The following TCF4 variants were observed in gnomAD, a reference collection of about 807,000 sequenced individuals.
TCF4 encodes the protein transcription factor 4, also known as SL3-3 enhancer factor 2.
TCF4 carries 3 observed loss-of-function variants against 82.1 expected under a neutral mutation model. The ratio of observed to expected loss-of-function variants is 0.04; its 90% CI spans 0.02 to 0.09. TCF4 has a LOEUF of 0.09. Ranked by LOEUF, TCF4 falls within the 10% of genes least tolerant of loss-of-function variation. TCF4 has a pLI of 1.00. For missense variants in TCF4, 518 were observed against 852.7 expected (o/e 0.61, Z 4.89); for synonymous variants, 276 against 309.6 (o/e 0.89, Z 1.14).
chr18:55,629,903 G>A (rs752406403), intron 2 of TCF4, among the ~76,000 whole-genome samples: 1 of 151,962 alleles, frequency 6.6e-6, no homozygotes, highest in Non-Finnish European at 1.5e-5. Flanking sequence ...TAAGGTCAAA[G>A]TGGAAAAAAA....
chr18:55,384,334 A>G (rs980685643), intron 6 of TCF4: 2 of 152,296 alleles, frequency 1.3e-5, no homozygotes. Flanking sequence ...TGCTTGGCTA[A>G]TCAGTGTGCC....
At position 55,336,434 on chromosome 18, in the gene TCF4, A is replaced by G. The variant is rs572243217; in HGVS notation, c.549+13925T>C. Among the ~76,000 whole-genome samples, 3 of 152,282 alleles carry G rather than the reference A, an allele frequency of 2.0e-5. No individual in the cohort carries two copies. In the East Asian group the frequency reaches 5.8e-4, roughly 29 times the overall value. ...ATTTTATGATCTTTAACTAGAAAAT[A>G]CAAAATGATCATATAATTATCTATT... On this transcript the variant is annotated intron_variant, in intron 8 of 19. Transcript: ENST00000354452.
intron 3 of TCF4, among the ~76,000 whole-genome samples, chr18:55,535,605 G>T (rs571998507): frequency 2.6e-5 from 4 of 152,162 alleles, no homozygotes; most frequent in South Asian, 4.2e-4. Context: ...AGAAAATGTG[G>T]CAATAAAATA....
chr18:55,300,262 G>A (rs1342542010), intron 8 of TCF4, among the ~76,000 whole-genome samples: 1 of 152,204 alleles, frequency 6.6e-6, no homozygotes, highest in African/African-American at 2.4e-5. Flanking sequence ...TTTCTTAACT[G>A]TGGTACACTT....
At chr18:55,249,941 C>A (rs906883854) in intron 15 of TCF4, among the ~76,000 whole-genome samples, 3 of 152,102 alleles carry the variant, frequency 2.0e-5, no homozygotes, top group Non-Finnish European at 4.4e-5. Context: ...GAATGAGTAA[C>A]AGAGAGAATT....
At chr18:55,567,522 G>A (rs369930094) in intron 3 of TCF4, among the ~76,000 whole-genome samples, 1 of 152,200 alleles carries the variant, frequency 6.6e-6, no homozygotes, top group East Asian at 1.9e-4. Context: ...AGACCAGCCT[G>A]GCCAACATGG....
chr18:55,350,625 T>C (rs899742416), intron 7 of TCF4, among the ~76,000 whole-genome samples: 5 of 152,132 alleles, frequency 3.3e-5, no homozygotes, highest in African/African-American at 1.2e-4. Flanking sequence ...GATCTTTTAA[T>C]AGCTTCCTTA....
At chr18:55,299,097 A>C (rs972204100) in intron 8 of TCF4, among the ~76,000 whole-genome samples, 1 of 152,208 alleles carries the variant, frequency 6.6e-6, no homozygotes, top group African/African-American at 2.4e-5. Flanking sequence ...CTTCAAAACT[A>C]AAAATTCATC....
chr18:55,279,986 A>G (rs2062228677), intron 8 of TCF4, among the ~76,000 whole-genome samples: 1 of 152,196 alleles, frequency 6.6e-6, no homozygotes, highest in South Asian at 2.1e-4. Flanking sequence ...TTCTAAACAC[A>G]GATGGCCCAT....
intron 6 of TCF4, among the ~76,000 whole-genome samples, chr18:55,381,009 T>A (rs1275833755): frequency 1.3e-5 from 2 of 152,238 alleles, no homozygotes; most frequent in Non-Finnish European, 2.9e-5. Flanking sequence ...ATTCTTGACA[T>A]CTTTTCTAAT....
chr18:55,270,573 A>T (rs1187368605), intron 10 of TCF4, among the ~76,000 whole-genome samples: 1 of 152,154 alleles, frequency 6.6e-6, no homozygotes, highest in Non-Finnish European at 1.5e-5. Flanking sequence ...TTAAATTAGG[A>T]CCACATGACT....
chr18:55,482,069 T>C (rs1467843757), intron 3 of TCF4: 1 of 152,318 alleles, frequency 6.6e-6, no homozygotes, highest in East Asian at 1.9e-4. Flanking sequence ...GCCTGAAAAC[T>C]TCAACAGGTA....
At chr18:55,525,021 T>C (rs2096966677) in intron 3 of TCF4, among the ~76,000 whole-genome samples, 1 of 152,160 alleles carries the variant, frequency 6.6e-6, no homozygotes, top group African/African-American at 2.4e-5. Flanking sequence ...GGCTTCCTAC[T>C]TCTAAGCATG....
At chr18:55,481,014 G>T (rs1235242435) in intron 3 of TCF4, among the ~76,000 whole-genome samples, 2 of 145,084 alleles carry the variant, frequency 1.4e-5, no homozygotes, top group African/African-American at 5.1e-5. Context: ...TGAGGCAGGA[G>T]AATCACTTGA....
chr18:55,631,108 G>A (rs771056307), intron 2 of TCF4, among the ~76,000 whole-genome samples: 34 of 149,468 alleles, frequency 2.3e-4, no homozygotes, highest in Admixed American at 6.6e-5. Context: ...GCAGTGCAGT[G>A]GCATGATCTC....
At chr18:55,541,184 T>A (rs2097162258) in intron 3 of TCF4, among the ~76,000 whole-genome samples, 1 of 151,992 alleles carries the variant, frequency 6.6e-6, no homozygotes, top group Admixed American at 6.6e-5. Context: ...CACATTATTA[T>A]CTTTAACATC....
At chr18:55,232,710 A>G (rs1003579197) in intron 16 of TCF4, 39 bp from the exon 17 acceptor site, 15 of 1,612,962 alleles carry the variant, frequency 9.3e-6, no homozygotes, top group Non-Finnish European at 1.2e-5. Context: ...GTACACCACA[A>G]TCTCACTGCC....
intron 11 of TCF4, chr18:55,265,309 T>A (rs1208154122): frequency 2.6e-5 from 4 of 152,210 alleles, no homozygotes; most frequent in African/African-American, 9.6e-5. Flanking sequence ...ACCCTCGTGT[T>A]ATTAAACCAT....
chr18:55,344,988 G>A (rs989551582), intron 8 of TCF4, among the ~76,000 whole-genome samples: 1 of 151,998 alleles, frequency 6.6e-6, no homozygotes, highest in Non-Finnish European at 1.5e-5. Flanking sequence ...TTTCTTAAAG[G>A]GTGCAGGATT....
Sources: allele counts gnomAD v4.1 joint callset (sites outside exome capture counted in the v4.1 genomes callset), GRCh38; gene constraint gnomAD v4.1.1; transcripts MANE v1.5; gene names NCBI Gene and HGNC (gene_info 2026-07-23, HGNC 2026-07-21).